Variants in SLC24A2 observed in about 807,000 individuals in gnomAD.
The protein encoded by SLC24A2 is solute carrier family 24 member 2.
In SLC24A2, 36 loss-of-function variants were observed where a neutral mutation model predicts 62.0. That is an observed-to-expected ratio of 0.58 (90% confidence interval 0.44 to 0.77). The LOEUF (loss-of-function observed/expected upper bound fraction) is 0.77. Among genes scored for constraint, SLC24A2 ranks in the 30% least tolerant of loss-of-function variants. The pLI is 0.00. For synonymous variants in SLC24A2, 358 were observed against 294.0 expected, an observed-to-expected ratio of 1.22 and a Z score of -2.23; for missense variants, 846 against 817.9, an observed-to-expected ratio of 1.03 and a Z score of -0.42.
chr9:20,046,734 A>G, the SLC24A2 span, among the ~76,000 whole-genome samples: 1 of 152,214 alleles, frequency 6.6e-6, no homozygotes. Flanking sequence ...GACACTGCCC[A>G]CTTTTTCACA....
the SLC24A2 span, among the ~76,000 whole-genome samples, chr9:19,891,132 T>C: frequency 6.6e-6 from 1 of 152,198 alleles, no homozygotes; most frequent in Non-Finnish European, 1.5e-5. Context: ...GAATCTTACC[T>C]GGTTGGCCCA....
At chr9:20,123,209 C>G in the SLC24A2 span, among the ~76,000 whole-genome samples, 1 of 152,096 alleles carries the variant, frequency 6.6e-6, no homozygotes, top group Non-Finnish European at 1.5e-5. Flanking sequence ...AAACTATAAG[C>G]TAGCTCTGTG....
At chr9:19,851,000 T>A in the SLC24A2 span, among the ~76,000 whole-genome samples, 2 of 45,144 alleles carry the variant, frequency 4.4e-5, no homozygotes, top group South Asian at 5.0e-4. Context: ...TATATATATA[T>A]ACACATACAT....
the SLC24A2 span, among the ~76,000 whole-genome samples, chr9:20,068,917 G>C: frequency 6.6e-6 from 1 of 152,054 alleles, no homozygotes; most frequent in East Asian, 1.9e-4. Context: ...TTTATTTCCA[G>C]TTCACAGCTT....
the SLC24A2 span, among the ~76,000 whole-genome samples, chr9:20,020,387 AG>A: frequency 6.6e-6 from 1 of 152,234 alleles, no homozygotes; most frequent in Admixed American, 6.5e-5. Flanking sequence ...AATATTATGC[AG>A]CCCTAAAAAA....
chr9:19,664,262 G>A (rs947765713), intron 2 of SLC24A2, among the ~76,000 whole-genome samples: 2 of 152,180 alleles, frequency 1.3e-5, no homozygotes, highest in South Asian at 2.1e-4. Flanking sequence ...GTTTCACAAC[G>A]GCTTTGATGC....
intron 7 of SLC24A2, among the ~76,000 whole-genome samples, chr9:19,556,725 G>T (rs1043355356): frequency 6.6e-6 from 1 of 152,120 alleles, no homozygotes; most frequent in Non-Finnish European, 1.5e-5. Flanking sequence ...AAAATAGAAT[G>T]TCAGCACTTA....
chr9:19,791,256 G>C (rs1823317169), upstream of SLC24A2, among the ~76,000 whole-genome samples: 2 of 152,202 alleles, frequency 1.3e-5, no homozygotes, highest in Admixed American at 6.5e-5. Flanking sequence ...AGGAAGAAGG[G>C]AAAGAGTGAA....
At chr9:19,992,147 G>C in the SLC24A2 span, among the ~76,000 whole-genome samples, 2 of 152,180 alleles carry the variant, frequency 1.3e-5, no homozygotes, top group Admixed American at 6.5e-5. Context: ...GTTTAATACA[G>C]GACTTGTCAA....
chr9:20,095,594 G>T, the SLC24A2 span, among the ~76,000 whole-genome samples: 12,315 of 151,912 alleles, frequency 0.081, 799 homozygotes, highest in East Asian at 0.34. Flanking sequence ...GTGAAACATT[G>T]GCTCTTCTTG....
At chr9:19,776,625 T>C (rs1037498674) in intron 2 of SLC24A2, among the ~76,000 whole-genome samples, 1 of 152,198 alleles carries the variant, frequency 6.6e-6, no homozygotes, top group Admixed American at 6.5e-5. Flanking sequence ...CTTCCATCTG[T>C]CTGGAAGAGC....
rs188578072 is a variant in SLC24A2, at chr9:19,700,700, C to T, written c.931-78401G>A. Among the ~76,000 whole-genome samples the T allele has an allele frequency of 5.2e-4, 79 of 152,248 alleles. 1 individual carries two copies. The East Asian group carries it at 0.013, about 25-fold the overall frequency. On this transcript the variant is annotated intron_variant, in intron 2 of 10. Coordinates refer to ENST00000341998, the MANE Select transcript of SLC24A2 (RefSeq NM_020344.4). The stretch of plus-strand genomic sequence containing the variant: ...GAAATTATTTCAGCAATTAGATCTC[C>T]CTAGATTCTGGATTTATCTAAATAT...
the SLC24A2 span, among the ~76,000 whole-genome samples, chr9:20,138,373 G>A: frequency 6.6e-6 from 1 of 152,082 alleles, no homozygotes; most frequent in Non-Finnish European, 1.5e-5. Context: ...ATTTTTAAGA[G>A]CCATTTGTTT....
chr9:19,912,651 A>T, the SLC24A2 span, among the ~76,000 whole-genome samples: 1 of 152,128 alleles, frequency 6.6e-6, no homozygotes, highest in Admixed American at 6.6e-5. Flanking sequence ...AAATCATCTT[A>T]GTTTTCACAT....
At chr9:19,796,685 C>G in the SLC24A2 span, among the ~76,000 whole-genome samples, 1 of 152,158 alleles carries the variant, frequency 6.6e-6, no homozygotes, top group Non-Finnish European at 1.5e-5. Context: ...TTAAGGCAAT[C>G]CTTTCTTCAC....
At chr9:19,883,066 T>C in the SLC24A2 span, among the ~76,000 whole-genome samples, 1 of 152,222 alleles carries the variant, frequency 6.6e-6, no homozygotes, top group African/African-American at 2.4e-5. Flanking sequence ...AAATATTTGA[T>C]TAAACATTTG....
intron 2 of SLC24A2, among the ~76,000 whole-genome samples, chr9:19,706,440 C>T (rs964870685): frequency 2.2e-4 from 32 of 147,038 alleles, no homozygotes; most frequent in Non-Finnish European, 3.4e-4. Context: ...AGTGCAGTGG[C>T]GCGATCTCGA....
At chr9:19,889,269 G>A in the SLC24A2 span, among the ~76,000 whole-genome samples, 1 of 152,162 alleles carries the variant, frequency 6.6e-6, no homozygotes, top group Admixed American at 6.5e-5. Context: ...TACAGTGGGT[G>A]TGTCTATAAT....
At chr9:20,174,987 G>GAT in the SLC24A2 span, among the ~76,000 whole-genome samples, 159 of 141,480 alleles carry the variant, frequency 1.1e-3, 1 homozygote, top group East Asian at 5.9e-3. Flanking sequence ...TAAAGAAGCT[G>GAT]ATATATATAT....
Sources: gnomAD v4.1 joint callset for allele counts (sites outside exome capture counted in the v4.1 genomes callset) on GRCh38, gnomAD v4.1.1 for gene constraint, MANE v1.5 for transcripts, NCBI Gene and HGNC (gene_info 2026-07-23, HGNC 2026-07-21) for gene names.